FNTB: variants seen among roughly 807,000 people sequenced by gnomAD.
FNTB encodes the protein farnesyltransferase, CAAX box, subunit beta.
In FNTB, 27 loss-of-function variants were observed where a neutral mutation model predicts 59.4. The ratio of observed to expected loss-of-function variants is 0.45; its 90% CI spans 0.34 to 0.63. The LOEUF (loss-of-function observed/expected upper bound fraction) is 0.63, where lower values mean the gene tolerates loss of function less well. Ranked by LOEUF, FNTB falls within the 20% of genes least tolerant of loss-of-function variation. The pLI is 0.02. For missense variants in FNTB, 449 were observed against 559.6 expected, an observed-to-expected ratio of 0.80 and a Z score of 1.99; for synonymous variants, 230 against 220.7, an observed-to-expected ratio of 1.04 and a Z score of -0.37.
chr14:65,055,322 G>C (rs1357243400), intron 11 of FNTB, among the ~76,000 whole-genome samples: 1 of 152,100 alleles, frequency 6.6e-6, no homozygotes, highest in Non-Finnish European at 1.5e-5. Flanking sequence ...GAATCCAATG[G>C]AGACTGTCCC....
intron 10 of FNTB, 34 bp downstream of exon 10, chr14:65,053,383 G>T (rs368586407): frequency 1.0e-4 from 141 of 1,382,178 alleles, no homozygotes; most frequent in Non-Finnish European, 1.2e-4. Context: ...GGAAGGGAGA[G>T]GGGAGGAGAG....
intron 11 of FNTB, among the ~76,000 whole-genome samples, chr14:65,058,069 T>C (rs573693722): frequency 6.6e-6 from 1 of 152,296 alleles, no homozygotes; most frequent in South Asian, 2.1e-4. Flanking sequence ...GGGATTTTTA[T>C]TGGAATTGCA....
chr14:64,988,436 G>T (rs570522622), intron 1 of FNTB, among the ~76,000 whole-genome samples: 1 of 149,770 alleles, frequency 6.7e-6, no homozygotes, highest in Non-Finnish European at 1.5e-5. Flanking sequence ...TTAGACTATG[G>T]GATTGCCTTT....
rs2061693510 is a variant in FNTB at position 65,012,172 on chromosome 14, A to G, written c.210-145A>G. The G allele has an allele frequency of 2.2e-6, 2 of 909,988 alleles. No homozygotes were observed. The highest frequency in any genetic ancestry group is 1.7e-5 in the African/African-American group (1 of 60,006). The allele number at this position is 909,988 out of a possible 1,614,324, so 56.4% of individuals were successfully genotyped here. A position where few individuals can be genotyped will look rare whatever the true frequency, so the allele number is the denominator to read the frequency against. ...TCTGGTTTAGTTGCTCTTTGGAACC[A>G]GAGAAGTTGCTGGTTATCCAGTCAG... On this transcript the variant is annotated intron_variant, in intron 2 of 11. Transcript: ENST00000246166. The surrounding 1 kb of genome is among the most constrained non-coding windows in gnomAD (Gnocchi z 5.0).
intron 1 of FNTB, 42 bp downstream of exon 1, chr14:64,987,139 C>A (rs779939946): frequency 1.2e-6 from 2 of 1,610,438 alleles, no homozygotes; most frequent in Non-Finnish European, 1.7e-6. Context: ...GCGATGTGTT[C>A]TGGGAGCGCG....
At chr14:65,060,707 A>G (rs1442004537) in intron 11 of FNTB, among the ~76,000 whole-genome samples, 1 of 94,124 alleles carries the variant, frequency 1.1e-5, no homozygotes, top group East Asian at 3.6e-4. Flanking sequence ...CAAAAAAAAA[A>G]AAAAAAAATA....
chr14:65,015,605 C>G lies in FNTB; in HGVS notation c.283-20C>G, dbSNP rs368191637. 1.1e-4 allele frequency: 184 copies of G among 1,613,332 alleles called. No homozygotes were observed. Among genetic ancestry groups the G allele is most frequent in the Non-Finnish European group, 1.5e-4 (180 of 1,179,528 alleles). Reference sequence around the variant, plus strand: ...AGTGATTGTGAATAAGGGATGTTTTCTCTCCTGTCTCTCTCCCAGTGTCTG... The same window carrying G: ...AGTGATTGTGAATAAGGGATGTTTTGTCTCCTGTCTCTCTCCCAGTGTCTG... On this transcript the variant is annotated intron_variant, in intron 3 of 11. Coordinates refer to ENST00000246166, the MANE Select transcript of FNTB (RefSeq NM_002028.4).
chr14:65,004,115 C>T lies in FNTB; in HGVS notation c.145-134C>T, dbSNP rs578223352. ...AAGCCTGTCATCCTGCAGAACCCAT[C>T]TTACAGTACTGTGAAGTTCCAGACC... On this transcript the variant is annotated intron_variant, in intron 1 of 11. Coordinates refer to ENST00000246166, the MANE Select transcript of FNTB (RefSeq NM_002028.4). 9.9e-4 allele frequency: 843 copies of T among 850,328 alleles called. 10 individuals are homozygous for T. The South Asian group carries it at 0.015, about 15-fold the overall frequency. 52.7% of individuals were successfully genotyped at this position (850,328 alleles called of 1,614,324 possible). A position where few individuals can be genotyped will look rare whatever the true frequency, so the allele number is the denominator to read the frequency against.
chr14:65,061,187 A>G lies in FNTB; in HGVS notation c.1189A>G (p.Thr397Ala). 1 of 1,613,992 alleles carries G rather than the reference A, an allele frequency of 6.2e-7. No individual in the cohort carries two copies. The highest frequency in any genetic ancestry group is 2.2e-5 in the East Asian group (1 of 44,862). The change falls in exon 12 of 12, where the codon ACT (threonine) becomes GCT (alanine). Residue 397 changes from threonine to alanine, a missense_variant. Physicochemically the swap from Thr to Ala is moderately conservative, Grantham distance 58. Around this residue, in one of 2 missense-constraint regions of FNTB, gnomAD observed 337 missense variants for 479.1 expected, o/e 0.70. Transcript: ENST00000246166. ...CCTTTTCTTCTCTTTGCAGCAGCCC[A>G]CTCACCCAGTGTACAACATTGGACC... ...LGVPENALQP[T>A]HPVYNIGPDK...
Position 65,032,648 on chromosome 14 carries a change from ACAT to A in FNTB, c.650_652del (p.Ile217del). ...GCTGCCTCCGTAGCCTCGCTGACCA[ACAT>A]CATCACTCCAGACCTCTTTGAGGGC... On this transcript the variant is annotated inframe_deletion, in exon 7 of 12. Transcript: ENST00000246166. The surrounding 1 kb of genome is among the most constrained non-coding windows in gnomAD (Gnocchi z 5.0). 1 of 1,613,954 alleles carries A rather than the reference ACAT, an allele frequency of 6.2e-7. No individual in the cohort carries two copies. The highest frequency in any genetic ancestry group is 8.5e-7 in the Non-Finnish European group (1 of 1,180,000).
chr14:65,021,741 G>A (rs981540213), intron 4 of FNTB, among the ~76,000 whole-genome samples: 3 of 152,128 alleles, frequency 2.0e-5, no homozygotes, highest in African/African-American at 7.2e-5. Flanking sequence ...CACCTTCCGG[G>A]TTCAAGCGAT....
At chr14:65,056,880 T>C (rs1378870165) in intron 11 of FNTB, among the ~76,000 whole-genome samples, 1 of 152,214 alleles carries the variant, frequency 6.6e-6, no homozygotes, top group Admixed American at 6.5e-5. Flanking sequence ...CATGGTTCTA[T>C]AGACTGAGAA....
chr14:65,002,921 A>T (rs1265355333), intron 1 of FNTB, among the ~76,000 whole-genome samples: 1 of 152,196 alleles, frequency 6.6e-6, no homozygotes, highest in Non-Finnish European at 1.5e-5. Context: ...ATCTTAGATG[A>T]TCCTTAAACA....
intron 9 of FNTB, among the ~76,000 whole-genome samples, chr14:65,050,432 A>G (rs1292402488): frequency 1.3e-5 from 2 of 152,172 alleles, no homozygotes; most frequent in Non-Finnish European, 2.9e-5. Context: ...CTCTACTAAA[A>G]ATGCAAAAAT....
chr14:65,021,204 CAG>C (rs1240860346), intron 4 of FNTB, among the ~76,000 whole-genome samples: 1 of 152,156 alleles, frequency 6.6e-6, no homozygotes, highest in Admixed American at 6.5e-5. Context: ...TTCAGTGAAA[CAG>C]AGCAAAATAA....
intron 1 of FNTB, among the ~76,000 whole-genome samples, chr14:64,989,232 A>C (rs1278261490): frequency 6.6e-6 from 1 of 150,752 alleles, no homozygotes; most frequent in Non-Finnish European, 1.5e-5. Flanking sequence ...CCTGAGCCCA[A>C]GAGACCAACT....
At position 65,055,588 on chromosome 14, in the gene FNTB, C is replaced by G. The variant is rs555578841; in HGVS notation, c.1182+899C>G. 2.0e-5 allele frequency among the ~76,000 whole-genome samples: 3 copies of G among 152,026 alleles called. No homozygotes were observed. The South Asian group carries it at 6.2e-4, about 32-fold the overall frequency. On this transcript the variant is annotated intron_variant, in intron 11 of 11. Coordinates refer to ENST00000246166, the MANE Select transcript of FNTB (RefSeq NM_002028.4). ...CTGGAGTACAGTGGCATGATATTGG[C>G]TCACTGCAACCTCCACCTCCCAGGT...
At chr14:64,992,159 C>T (rs145485675) in intron 1 of FNTB, among the ~76,000 whole-genome samples, 53 of 152,268 alleles carry the variant, frequency 3.5e-4, no homozygotes, top group African/African-American at 1.3e-3. Context: ...GGCTAGCTTT[C>T]TGAATCCATT....
At chr14:65,024,186 T>C (rs1035352477) in intron 4 of FNTB, among the ~76,000 whole-genome samples, 2 of 152,086 alleles carry the variant, frequency 1.3e-5, no homozygotes, top group Non-Finnish European at 2.9e-5. Flanking sequence ...ACAGGTAATT[T>C]CTATGCAACT....
Sources: gnomAD v4.1 joint callset for allele counts (sites outside exome capture counted in the v4.1 genomes callset) on GRCh38, gnomAD v4.1.1 for gene constraint, gnomAD v4.1.1 regional missense constraint, Gnocchi (gnomAD v3.1) non-coding constraint, MANE v1.5 for transcripts, NCBI Gene and HGNC (gene_info 2026-07-23, HGNC 2026-07-21) for gene names.